Variants in SDR42E2 observed in about 807,000 individuals in gnomAD.
The protein encoded by SDR42E2 is short chain dehydrogenase/reductase family 42E, member 2.
A neutral mutation model predicts 10.5 loss-of-function variants in SDR42E2; 20 were observed. The observed-to-expected ratio is 1.90, with a 90% CI of 1.34 to 2.77. The LOEUF (loss-of-function observed/expected upper bound fraction) is 2.77. Ranked by LOEUF, SDR42E2 falls within the 30% of genes most tolerant of loss-of-function variation. The pLI is 0.00. For synonymous variants in SDR42E2, 72 were observed against 39.2 expected, an observed-to-expected ratio of 1.84 and a Z score of -3.12; for missense variants, 162 against 104.2, an observed-to-expected ratio of 1.55 and a Z score of -2.42.
At chr16:22,189,238 A>G (rs2046754666) in intron 12 of SDR42E2, among the ~76,000 whole-genome samples, 1 of 152,202 alleles carries the variant, frequency 6.6e-6, no homozygotes, top group Admixed American at 6.5e-5. Context: ...ATGCCATGGG[A>G]GAATCCAGCA....
At chr16:22,188,419 T>C (rs1208059843) in intron 12 of SDR42E2, among the ~76,000 whole-genome samples, 1 of 152,200 alleles carries the variant, frequency 6.6e-6, no homozygotes, top group Non-Finnish European at 1.5e-5. Flanking sequence ...TGTGACAGTA[T>C]GCCAGGCACT....
Position 22,170,928 on chromosome 16 carries a change from G to T in SDR42E2, c.490G>T (p.Val164Leu), listed in dbSNP as rs2046594432. The T allele has an allele frequency of 1.4e-6, 1 of 702,936 alleles. No individual in the cohort carries two copies. Among genetic ancestry groups the T allele is most frequent in the Admixed American group, 2.0e-5 (1 of 49,998 alleles). 43.5% of individuals were successfully genotyped at this position (702,936 alleles called of 1,614,324 possible). ...CATAGAGCAGGGCGATGAGGACTCTGTGCCATATTTCCCATTGGACGAGGT... is the reference window on the plus strand; with the variant it reads ...CATAGAGCAGGGCGATGAGGACTCTTTGCCATATTTCCCATTGGACGAGGT... Reference protein sequence around the residue: ...KPIEQGDEDSVPYFPLDEHVD... With the variant: ...KPIEQGDEDSLPYFPLDEHVD... The change falls in exon 6 of 13, where the codon GTG becomes TTG. Residue 164 changes from valine to leucine, a missense_variant. By Grantham distance (32) the Val-to-Leu change is conservative. Coordinates refer to ENST00000602312, the MANE Select transcript of SDR42E2 (RefSeq NM_001394319.2).
At chr16:22,165,434 A>C in intron 1 of SDR42E2, 113 bp from the exon 2 acceptor site, 3 of 382,774 alleles carry the variant, frequency 7.8e-6, no homozygotes, top group Non-Finnish European at 9.3e-6. Context: ...TTCCCTGGGA[A>C]CTCAGAGAAT....
chr16:22,166,099 C>T (rs2046535523), intron 2 of SDR42E2, among the ~76,000 whole-genome samples, 151 bp from the exon 3 acceptor site: 1 of 151,790 alleles, frequency 6.6e-6, no homozygotes, highest in Non-Finnish European at 1.5e-5. Flanking sequence ...GGTACCTGGG[C>T]CGGGAGCTGG....
intron 6 of SDR42E2, 104 bp from the exon 7 acceptor site, chr16:22,172,152 C>A (rs923827375): frequency 1.9e-5 from 13 of 682,974 alleles, no homozygotes; most frequent in African/African-American, 3.5e-5. Context: ...TGGCCATATC[C>A]CAGTGGGAGT....
chr16:22,167,234 G>A (rs1444164591), intron 4 of SDR42E2, among the ~76,000 whole-genome samples: 1 of 133,928 alleles, frequency 7.5e-6, no homozygotes, highest in Non-Finnish European at 1.5e-5. Context: ...CACCCAGGCT[G>A]GAGTGCAGTG....
Position 22,169,003 on chromosome 16 carries a change from C to T in SDR42E2, c.337-442C>T, listed in dbSNP as rs552100508. On this transcript the variant is annotated intron_variant, in intron 4 of 12. Transcript: ENST00000602312. ...TCCTGGCCCACAGGAGCCCTCACAG[C>T]GGCCTAATTTTTGTTTTTCACATCC... 4.0e-4 allele frequency among the ~76,000 whole-genome samples: 61 copies of T among 152,220 alleles called. No homozygotes were observed. The Middle Eastern group carries it at 0.017, about 42-fold the overall frequency.
chr16:22,167,054 G>T, intron 4 of SDR42E2, 55 bp downstream of exon 4: 1 of 690,048 alleles, frequency 1.4e-6, no homozygotes, highest in Non-Finnish European at 2.7e-6. Context: ...TCCAGTCCTG[G>T]CTCTGCCCTC....
chr16:22,186,980 C>T (rs1300358953), intron 12 of SDR42E2, among the ~76,000 whole-genome samples, 186 bp downstream of exon 12: 1 of 152,196 alleles, frequency 6.6e-6, no homozygotes, highest in Non-Finnish European at 1.5e-5. Context: ...ATCACCCCAA[C>T]CTCTGGGCTT....
intron 5 of SDR42E2, 138 bp downstream of exon 5, chr16:22,169,640 C>T (rs1567238421): frequency 1.5e-6 from 1 of 670,602 alleles, no homozygotes; most frequent in Admixed American, 2.1e-5. Context: ...GCAGACCTCC[C>T]CAGGGCCCTG....
At chr16:22,179,530 G>A (rs2046674589) in intron 8 of SDR42E2, among the ~76,000 whole-genome samples, 1 of 152,148 alleles carries the variant, frequency 6.6e-6, no homozygotes, top group South Asian at 2.1e-4. Context: ...GGTATGTTCA[G>A]GCCAAGTGCG....
rs899840795 is a variant in SDR42E2, at chr16:22,182,226, C to T, written c.825C>T (p.Tyr275=). The T allele has an allele frequency of 1.4e-4, 55 of 402,972 alleles. 1 individual carries two copies. The highest frequency in any genetic ancestry group is 4.4e-5 in the Non-Finnish European group (10 of 227,572). The allele number at this position is 402,972 out of a possible 1,614,324, so 25.0% of individuals were successfully genotyped here. ...AKGYVASGQA[Y]YINDGESVNL... ...GTCCCCTTCAGAGTGGGCAGGCGTA[C>T]TACATCAACGATGGGGAGAGCGTCA... The change falls in exon 10 of 13, where the codon TAC becomes TAT. Residue 275 remains tyrosine (Y), a synonymous_variant. Transcript: ENST00000602312.
chr16:22,173,283 G>A (rs765461805), intron 7 of SDR42E2, among the ~76,000 whole-genome samples: 6 of 151,974 alleles, frequency 3.9e-5, no homozygotes, highest in Non-Finnish European at 5.9e-5. Context: ...GAAATGGTGT[G>A]ATTTTGGCTC....
At chr16:22,175,990 T>TAA (rs879892114) in intron 7 of SDR42E2, among the ~76,000 whole-genome samples, 1 of 141,700 alleles carries the variant, frequency 7.1e-6, no homozygotes. Context: ...AAGACTCTAT[T>TAA]AAAAAAAAAA....
rs765790064 is a variant in SDR42E2, at chr16:22,182,210, A to T, written c.811-2A>T. 2.5e-6 allele frequency: 1 copy of T among 404,478 alleles called. No individual in the cohort carries two copies. Among genetic ancestry groups the T allele is most frequent in the African/African-American group, 2.1e-5 (1 of 48,732 alleles). The allele number at this position is 404,478 out of a possible 1,614,324, so 25.1% of individuals were successfully genotyped here. ...CCGTCCCCTCCCACATGTCCCCTTC[A>T]GAGTGGGCAGGCGTACTACATCAAC... On this transcript the variant is annotated splice_acceptor_variant, in intron 9 of 12. Transcript: ENST00000602312. LOFTEE classifies it high-confidence loss of function.
chr16:22,173,224 A>T (rs970139186), intron 7 of SDR42E2, among the ~76,000 whole-genome samples: 3 of 150,814 alleles, frequency 2.0e-5, no homozygotes, highest in Non-Finnish European at 4.4e-5. Flanking sequence ...TTAATCTCTT[A>T]TTTTTTTTTC....
chr16:22,166,076 C>T (rs1238836388), intron 2 of SDR42E2, among the ~76,000 whole-genome samples, 174 bp from the exon 3 acceptor site: 2 of 148,670 alleles, frequency 1.3e-5, no homozygotes, highest in Non-Finnish European at 2.9e-5. Flanking sequence ...GTACCTGGGC[C>T]GGGAGCTGGA....
chr16:22,181,481 G>A (rs754355825), intron 8 of SDR42E2, 38 bp from the exon 9 acceptor site: 19 of 702,630 alleles, frequency 2.7e-5, no homozygotes, highest in East Asian at 5.4e-5. Context: ...AAGCCACACC[G>A]GACACAAGCC....
intron 7 of SDR42E2, among the ~76,000 whole-genome samples, chr16:22,176,942 C>A (rs924638591): frequency 1.4e-4 from 21 of 152,220 alleles, no homozygotes; most frequent in African/African-American, 4.3e-4. Context: ...TTTCCTTTCT[C>A]CATTGATTGG....
Sources: gnomAD v4.1 joint callset for allele counts (sites outside exome capture counted in the v4.1 genomes callset) on GRCh38, gnomAD v4.1.1 for gene constraint, MANE v1.5 for transcripts, NCBI Gene and HGNC (gene_info 2026-07-23, HGNC 2026-07-21) for gene names.